Variants in CD207 observed in about 807,000 individuals in gnomAD.
CD207 encodes C-type lectin domain family 4 member K.
CD207 carries 28 observed loss-of-function variants against 31.6 expected under a neutral mutation model. That is an observed-to-expected ratio of 0.89 (90% CI 0.66 to 1.21). CD207 has a LOEUF of 1.21. Ranked by LOEUF, CD207 falls within the 50% of genes most tolerant of loss-of-function variation. CD207 has a pLI of 0.00. For synonymous variants in CD207, 168 were observed against 153.9 expected (o/e 1.09, Z -0.68); for missense variants, 388 against 397.8 (o/e 0.98, Z 0.21).
chr2:70,824,580 G>T, the CD207 span, among the ~76,000 whole-genome samples: 1 of 120,992 alleles, frequency 8.3e-6, no homozygotes, highest in Non-Finnish European at 1.6e-5. Context: ...GATGAGCCTG[G>T]AGCATCTTGT....
downstream of CD207, among the ~76,000 whole-genome samples, chr2:70,828,947 G>A (rs1553399256): frequency 6.6e-6 from 1 of 152,176 alleles, no homozygotes; most frequent in Non-Finnish European, 1.5e-5. Context: ...TTATAGGCAT[G>A]AGCCACCATG....
At chr2:70,826,466 T>G (rs1677346899), downstream of CD207, among the ~76,000 whole-genome samples, 1 of 152,172 alleles carries the variant, frequency 6.6e-6, no homozygotes, top group African/African-American at 2.4e-5. Flanking sequence ...AGCCTCAATC[T>G]CTTGAGCCCA....
chr2:70,830,978 G>A lies in CD207; in HGVS notation c.*72C>T, dbSNP rs1474026923. ...ACGTGCAAAGTCATCCTGGAGTCTG[G>A]GGAAGAAAGAGGCATTTCCTCATGT... On this transcript the variant is annotated 3_prime_UTR_variant, in exon 6 of 6. Transcript: ENST00000410009. 1.3e-5 allele frequency: 19 copies of A among 1,411,002 alleles called. No individual in the cohort carries two copies. In the African/African-American group the frequency reaches 2.3e-4, roughly 17 times the overall value. The allele number at this position is 1,411,002 out of a possible 1,614,324, so 87.4% of individuals were successfully genotyped here.
chr2:70,824,792 G>C, the CD207 span, among the ~76,000 whole-genome samples: 1 of 152,154 alleles, frequency 6.6e-6, no homozygotes, highest in Admixed American at 6.5e-5. Context: ...ATATCTGTGA[G>C]TCCATACTGA....
chr2:70,832,621 C>T (rs1377152058), intron 4 of CD207, among the ~76,000 whole-genome samples: 1 of 152,170 alleles, frequency 6.6e-6, no homozygotes, highest in Non-Finnish European at 1.5e-5. Flanking sequence ...TATGTTAAAT[C>T]TGGGCAGAAG....
chr2:70,824,348 C>T, the CD207 span, among the ~76,000 whole-genome samples: 1 of 152,052 alleles, frequency 6.6e-6, no homozygotes, highest in Non-Finnish European at 1.5e-5. Context: ...TACCCCCTCT[C>T]AAGTCCTGTC....
chr2:70,825,604 T>C (rs533974006), downstream of CD207, among the ~76,000 whole-genome samples: 1 of 152,290 alleles, frequency 6.6e-6, no homozygotes, highest in South Asian at 2.1e-4. Context: ...AGTGGCGTGA[T>C]TACAGCTCAC....
At chr2:70,833,542 C>A in intron 3 of CD207, 104 bp downstream of exon 3, 1 of 1,334,674 alleles carries the variant, frequency 7.5e-7, no homozygotes, top group Non-Finnish European at 1.0e-6. Context: ...CTCTTTTGCC[C>A]CCACTCTCCT....
At chr2:70,829,085 T>TTAACAGCCTCATCCTCTTGC (rs1677410065), downstream of CD207, among the ~76,000 whole-genome samples, 1 of 152,232 alleles carries the variant, frequency 6.6e-6, no homozygotes, top group Non-Finnish European at 1.5e-5. Context: ...CTTCCTTTTG[T>TTAACAGCCTCATCCTCTTGC]TAACAGCCTC....
intron 4 of CD207, among the ~76,000 whole-genome samples, chr2:70,832,369 C>T (rs1461108253): frequency 6.6e-6 from 1 of 152,212 alleles, no homozygotes; most frequent in Non-Finnish European, 1.5e-5. Context: ...TGCTATCCCA[C>T]CTCCCAGATG....
intron 2 of CD207, 33 bp from the exon 3 acceptor site, chr2:70,834,053 G>T: frequency 6.7e-7 from 1 of 1,487,162 alleles, no homozygotes. Context: ...GTCAGCTGAG[G>T]GGAGTCCCAG....
At chr2:70,825,799 C>T (rs1558624882), downstream of CD207, among the ~76,000 whole-genome samples, 1 of 152,000 alleles carries the variant, frequency 6.6e-6, no homozygotes, top group African/African-American at 2.4e-5. Context: ...GAGTTCTGTG[C>T]TCTGTGAACA....
chr2:70,835,706 C>A lies in CD207; in HGVS notation c.71G>T (p.Arg24Leu), dbSNP rs782521829. ...VDKQNISLWP[R>L]EPPPKSGPSL... is the part of the protein sequence containing the mutation. ...TTCTCAGCAGCGATGTGGCTTGCCT[C>A]GGGGCCAGAGGGAGATGTTCTGTTT... The change falls in exon 1 of 6, where the codon CGA (arginine) becomes CTA (leucine). Residue 24 changes from arginine (R) to leucine (L), a missense_variant and splice_region_variant. Arg to Leu is a moderately radical substitution (Grantham distance 102). Coordinates refer to ENST00000410009, the MANE Select transcript of CD207 (RefSeq NM_015717.5). 1 of 1,613,354 alleles carries A rather than the reference C, an allele frequency of 6.2e-7. No individual in the cohort carries two copies. Among genetic ancestry groups the A allele is most frequent in the South Asian group, 1.1e-5 (1 of 90,914 alleles).
downstream of CD207, among the ~76,000 whole-genome samples, chr2:70,825,262 G>A (rs539975876): frequency 6.6e-6 from 1 of 152,320 alleles, no homozygotes; most frequent in Non-Finnish European, 1.5e-5. Flanking sequence ...CTGAGAAAAT[G>A]TCACAGCCAA....
intron 2 of CD207, among the ~76,000 whole-genome samples, 152 bp downstream of exon 2, chr2:70,835,339 C>A (rs900713459): frequency 6.6e-6 from 1 of 152,156 alleles, no homozygotes; most frequent in Admixed American, 6.5e-5. Flanking sequence ...GGCAGCACAG[C>A]CTGTTACTGC....
At chr2:70,825,107 A>G in the CD207 span, among the ~76,000 whole-genome samples, 1 of 152,194 alleles carries the variant, frequency 6.6e-6, no homozygotes, top group Non-Finnish European at 1.5e-5. Context: ...ATGGCCCTTT[A>G]TCTCCATGGT....
At chr2:70,831,279 A>G in intron 5 of CD207, 79 bp from the exon 6 acceptor site, 1 of 1,408,574 alleles carries the variant, frequency 7.1e-7, no homozygotes, top group Non-Finnish European at 9.8e-7. Context: ...AAATGAGTTA[A>G]CTCAACCCAA....
rs1294684361 is a variant in CD207 at position 70,830,444 on chromosome 2, G to A, written c.*606C>T. 7 of 152,562 alleles carry A rather than the reference G, an allele frequency of 4.6e-5. No individual in the cohort carries two copies. Among genetic ancestry groups the A allele is most frequent in the Non-Finnish European group, 1.0e-4 (7 of 68,334 alleles). 9.5% of individuals were successfully genotyped at this position (152,562 alleles called of 1,614,324 possible). On this transcript the variant is annotated 3_prime_UTR_variant, in exon 6 of 6. Transcript: ENST00000410009. Reference sequence around the variant, plus strand: ...AGAAGGGAGGCTGGGTGCCAGCCGAGCTCTGAAGGAGATACAAGTCCGTGT... The same window carrying A: ...AGAAGGGAGGCTGGGTGCCAGCCGAACTCTGAAGGAGATACAAGTCCGTGT...
chr2:70,831,138 G>A lies in CD207; in HGVS notation c.899C>T (p.Ala300Val). 6.2e-7 allele frequency: 1 copy of A among 1,613,656 alleles called. No individual in the cohort carries two copies. Among genetic ancestry groups the A allele is most frequent in the Non-Finnish European group, 8.5e-7 (1 of 1,179,582 alleles). Residue 300 changes from alanine (A) to valine (V), a missense_variant, in exon 6 of 6, where the codon GCT becomes GTT. Ala to Val is a moderately conservative substitution (Grantham distance 64). Transcript: ENST00000410009. ...ATCATTCCAGGCCTGAAGTGAGGGA[G>A]CCTTTATATTGCCACAGTGTTCATT... ...GNNEHCGNIK[A>V]PSLQAWNDAP...
Sources: gnomAD v4.1 joint callset for allele counts (sites outside exome capture counted in the v4.1 genomes callset) on GRCh38, gnomAD v4.1.1 for gene constraint, MANE v1.5 for transcripts, NCBI Gene and HGNC (gene_info 2026-07-23, HGNC 2026-07-21) for gene names.